ACACA: variants seen among roughly 807,000 people sequenced by gnomAD.
The protein encoded by ACACA is acetyl-CoA carboxylase 1.
A neutral mutation model predicts 296.1 loss-of-function variants in ACACA; 103 were observed. That is an observed-to-expected ratio of 0.35 (90% CI 0.30 to 0.41). ACACA has a LOEUF of 0.41. ACACA is among the 10% of genes least tolerant of loss of function. The probability of loss-of-function intolerance (pLI) is 1.00; values close to 1 mark genes in which losing one functional copy is unlikely to be tolerated. For synonymous variants in ACACA, 953 were observed against 1,038.6 expected (o/e 0.92, Z 1.58); for missense variants, 1,554 against 2,989.7 (o/e 0.52, Z 11.20).
chr17:37,141,864 T>G (rs2075596637), intron 45 of ACACA, among the ~76,000 whole-genome samples: 1 of 152,002 alleles, frequency 6.6e-6, no homozygotes, highest in African/African-American at 2.4e-5. Flanking sequence ...GCTAATTTTG[T>G]ATTTTTAGTA....
intron 1 of ACACA, chr17:37,359,205 G>T: frequency 1.1e-6 from 1 of 913,566 alleles, no homozygotes; most frequent in Non-Finnish European, 1.3e-6. Context: ...CGAGCTCCAT[G>T]AGGTGACTAC....
chr17:37,258,029 C>T (rs752253013), intron 13 of ACACA, among the ~76,000 whole-genome samples, 163 bp from the exon 14 acceptor site: 1 of 152,182 alleles, frequency 6.6e-6, no homozygotes, highest in Non-Finnish European at 1.5e-5. Flanking sequence ...GAAGACTCTA[C>T]AGTGACTTAA....
intron 42 of ACACA, 141 bp downstream of exon 42, chr17:37,161,640 T>A: frequency 9.8e-7 from 1 of 1,023,428 alleles, no homozygotes; most frequent in Non-Finnish European, 1.4e-6. Flanking sequence ...CTTAAGGAAT[T>A]TTCACAAATA....
chr17:37,311,160 AG>A (rs1475996618), intron 3 of ACACA, among the ~76,000 whole-genome samples: 1 of 152,354 alleles, frequency 6.6e-6, no homozygotes, highest in African/African-American at 2.4e-5. Flanking sequence ...AATAGCTTTA[AG>A]AATGAATGGG....
Position 37,085,897 on chromosome 17 carries a change from C to T in ACACA, c.*1419G>A. 1 of 398,848 alleles carries T rather than the reference C, an allele frequency of 2.5e-6. No homozygotes were observed. The highest frequency in any genetic ancestry group is 3.6e-5 in the East Asian group (1 of 28,084). The allele number at this position is 398,848 out of a possible 1,614,324, so 24.7% of individuals were successfully genotyped here. Reference sequence around the variant, plus strand: ...CCTCCTTGGTCATCAGTGACAAATGCAGTTAGCTGCACTAAAGGAACCGGA... The same window carrying T: ...CCTCCTTGGTCATCAGTGACAAATGTAGTTAGCTGCACTAAAGGAACCGGA... On this transcript the variant is annotated 3_prime_UTR_variant, in exon 56 of 56. Transcript: ENST00000616317.
At chr17:37,189,725 G>A (rs2077673584) in intron 38 of ACACA, among the ~76,000 whole-genome samples, 2 of 152,300 alleles carry the variant, frequency 1.3e-5, no homozygotes, top group Non-Finnish European at 2.9e-5. Context: ...AGAATGCTTA[G>A]GAGAAGTTTT....
intron 14 of ACACA, 34 bp downstream of exon 14, chr17:37,257,669 T>G (rs919811873): frequency 1.2e-6 from 2 of 1,608,992 alleles, no homozygotes; most frequent in African/African-American, 2.7e-5. Context: ...ACAAATTTAT[T>G]TTGTAAAATG....
intron 1 of ACACA, among the ~76,000 whole-genome samples, chr17:37,388,408 T>C (rs1161668483): frequency 6.6e-6 from 1 of 152,060 alleles, no homozygotes; most frequent in Non-Finnish European, 1.5e-5. Flanking sequence ...CAGCCCTATG[T>C]GATTATGGAA....
chr17:37,267,764 C>CT (rs5820208), intron 10 of ACACA, among the ~76,000 whole-genome samples: 46,492 of 140,994 alleles, frequency 0.33, 9,536 homozygotes, highest in African/African-American at 0.59. Flanking sequence ...TCTTCTTCTT[C>CT]TTTTTTTTTT....
At position 37,374,962 on chromosome 17, in the gene ACACA, G is replaced by A. The variant is rs1250532712; in HGVS notation, c.38+31300C>T. 2.6e-5 allele frequency among the ~76,000 whole-genome samples: 4 copies of A among 152,088 alleles called. 1 individual carries two copies. The highest frequency in any genetic ancestry group is 1.3e-4 in the Admixed American group (2 of 15,252). On this transcript the variant is annotated intron_variant, in intron 1 of 55. Coordinates refer to ENST00000616317, the MANE Select transcript of ACACA (RefSeq NM_198834.3). Reference sequence around the variant, plus strand: ...TGTAATCCCAGCACTTTGGGAGGCCGATGGGGGCAGATCACTTGAGGTCAG... The same window carrying A: ...TGTAATCCCAGCACTTTGGGAGGCCAATGGGGGCAGATCACTTGAGGTCAG...
Position 37,086,220 on chromosome 17 carries a change from C to G in ACACA, c.*1096G>C, listed in dbSNP as rs1567636496. On this transcript the variant is annotated 3_prime_UTR_variant, in exon 56 of 56. Transcript: ENST00000616317. The stretch of plus-strand genomic sequence containing the variant: ...GGTCCTTTCAGAGCTGTGGGGAGAC[C>G]TGCTGCCTGTCTACACTCTGGGGAA... The G allele has an allele frequency of 1.2e-5, 2 of 161,048 alleles. No individual in the cohort carries two copies. The highest frequency in any genetic ancestry group is 2.7e-5 in the Non-Finnish European group (2 of 74,362). The allele number at this position is 161,048 out of a possible 1,614,324, so 10.0% of individuals were successfully genotyped here.
intron 45 of ACACA, among the ~76,000 whole-genome samples, chr17:37,131,499 C>T (rs1463651954): frequency 6.6e-6 from 1 of 152,160 alleles, no homozygotes; most frequent in Non-Finnish European, 1.5e-5. Context: ...TTCCTTTCCT[C>T]TCCTCCTTTA....
intron 29 of ACACA, among the ~76,000 whole-genome samples, chr17:37,213,550 C>T (rs566031568): frequency 5.9e-5 from 9 of 152,236 alleles, no homozygotes; most frequent in African/African-American, 2.2e-4. Context: ...CTCCATTTTA[C>T]AGATGTGATA....
At position 37,097,890 on chromosome 17, in the gene ACACA, G is replaced by T. The variant is rs548821816; in HGVS notation, c.6660C>A (p.Ala2220=). The change falls in exon 53 of 56, where the codon GCC becomes GCA. Residue 2220 remains alanine (A), a synonymous_variant. Transcript: ENST00000616317. The surrounding 1 kb of genome is among the most constrained non-coding windows in gnomAD (Gnocchi z 4.8). ...EFLIPIYHQV[A]VQFADLHDTP... is the part of the protein sequence containing the mutation. ...TGTCGTGCAAGTCAGCAAACTGCAC[G>T]GCTACCTGATGGTAAATGGGAATTA... 3 of 1,614,098 alleles carry T rather than the reference G, an allele frequency of 1.9e-6. No individual in the cohort carries two copies.
rs576607330 is a variant in ACACA at position 37,212,084 on chromosome 17, GCA to G, written c.3684-1596_3684-1595del. Among the ~76,000 whole-genome samples, 698 of 152,314 alleles carry G rather than the reference GCA, an allele frequency of 4.6e-3. 2 individuals carry two copies. The highest frequency in any genetic ancestry group is 7.7e-3 in the Non-Finnish European group (526 of 68,026). ...AGGATGCTAAAGAAAGGGGCCGCCT[GCA>G]CAGTTTCTTAGCATGAATCTCAGTT... is the stretch of plus-strand genomic sequence containing the variant. On this transcript the variant is annotated intron_variant, in intron 29 of 55. Coordinates refer to ENST00000616317, the MANE Select transcript of ACACA (RefSeq NM_198834.3).
chr17:37,140,675 T>C, intron 45 of ACACA: 1 of 192,206 alleles, frequency 5.2e-6, no homozygotes, highest in Non-Finnish European at 1.1e-5. Context: ...CTTGATGAGG[T>C]GGTCAGTGAA....
intron 41 of ACACA, among the ~76,000 whole-genome samples, chr17:37,167,664 C>T (rs1414147034): frequency 7.4e-6 from 1 of 135,052 alleles, no homozygotes; most frequent in African/African-American, 2.9e-5. Flanking sequence ...AAGTATGTTC[C>T]TTAATTAAAA....
At chr17:37,272,878 A>T (rs767229823) in intron 9 of ACACA, among the ~76,000 whole-genome samples, 2 of 152,178 alleles carry the variant, frequency 1.3e-5, no homozygotes, top group Non-Finnish European at 2.9e-5. Flanking sequence ...GGATAAAAAA[A>T]TGAATAGGTT....
intron 45 of ACACA, chr17:37,141,345 T>C: frequency 2.2e-6 from 1 of 448,106 alleles, no homozygotes; most frequent in South Asian, 1.8e-5. Flanking sequence ...GCCCAGGCCC[T>C]GTTCACGGCC....
Sources: gnomAD v4.1 joint callset for allele counts (sites outside exome capture counted in the v4.1 genomes callset) on GRCh38, gnomAD v4.1.1 for gene constraint, Gnocchi (gnomAD v3.1) non-coding constraint, MANE v1.5 for transcripts, NCBI Gene and HGNC (gene_info 2026-07-23, HGNC 2026-07-21) for gene names.